ALLC: variants seen among roughly 807,000 people sequenced by gnomAD.
ALLC encodes probable inactive allantoicase.
Under a neutral mutation model 45.0 loss-of-function variants are expected in ALLC, and 40 were observed. The ratio of observed to expected loss-of-function variants is 0.89; its 90% CI spans 0.69 to 1.16. The LOEUF (loss-of-function observed/expected upper bound fraction) is 1.16, where lower values mean the gene tolerates loss of function less well. Ranked by LOEUF, ALLC falls within the 50% of genes most tolerant of loss-of-function variation. The pLI, the probability that ALLC is intolerant of heterozygous loss-of-function variation, is 0.00. For missense variants in ALLC, 488 were observed against 493.1 expected (o/e 0.99, Z 0.10); for synonymous variants, 176 against 178.1 (o/e 0.99, Z 0.09).
chr2:3,651,313 TGGGGGGG>T, the ALLC span, among the ~76,000 whole-genome samples: 298 of 8,486 alleles, frequency 0.035, 2 homozygotes, highest in Middle Eastern at 0.077. Context: ...GGTGGGTGGG[TGGGGGGG>T]GTGTGTGTGT....
At chr2:3,686,608 A>G (rs932448245) in intron 7 of ALLC, among the ~76,000 whole-genome samples, 3 of 150,812 alleles carry the variant, frequency 2.0e-5, no homozygotes, top group African/African-American at 4.8e-5. Flanking sequence ...TGTCCTCTTC[A>G]ATATATTTCA....
At chr2:3,682,680 C>T (rs535270766) in intron 6 of ALLC, among the ~76,000 whole-genome samples, 29 of 152,232 alleles carry the variant, frequency 1.9e-4, no homozygotes, top group East Asian at 1.7e-3. Context: ...CGCCCGCCAC[C>T]ACGCCCGGCT....
chr2:3,659,151 G>A (rs756251514), intron 1 of ALLC, among the ~76,000 whole-genome samples: 5 of 152,166 alleles, frequency 3.3e-5, no homozygotes, highest in Non-Finnish European at 7.3e-5. Context: ...CGATGACAAA[G>A]CCCCTGAAGG....
the ALLC span, among the ~76,000 whole-genome samples, chr2:3,650,391 C>T: frequency 6.6e-6 from 1 of 152,176 alleles, no homozygotes; most frequent in Non-Finnish European, 1.5e-5. Context: ...TGAGTTGACC[C>T]AGGCAGCCTG....
chr2:3,655,454 A>AGTTT (rs151207471), upstream of ALLC, among the ~76,000 whole-genome samples: 1 of 152,234 alleles, frequency 6.6e-6, no homozygotes, highest in Admixed American at 6.5e-5. Context: ...AGGAATGACT[A>AGTTT]GTTTGTTTGT....
chr2:3,670,545 C>T (rs149810086), intron 1 of ALLC, among the ~76,000 whole-genome samples: 15 of 152,276 alleles, frequency 9.9e-5, no homozygotes, highest in South Asian at 2.1e-4. Context: ...CGCATGGCCC[C>T]GAATCTCCCT....
At chr2:3,664,469 G>C (rs1351048276) in intron 1 of ALLC, among the ~76,000 whole-genome samples, 14 of 152,176 alleles carry the variant, frequency 9.2e-5, no homozygotes, top group Admixed American at 8.5e-4. Context: ...TACAACTCCT[G>C]TTCTCTAGAG....
upstream of ALLC, among the ~76,000 whole-genome samples, chr2:3,655,634 T>C (rs1402035096): frequency 6.6e-6 from 1 of 152,290 alleles, no homozygotes; most frequent in African/African-American, 2.4e-5. Context: ...TAAAAAACTT[T>C]TGTTTTTCAG....
chr2:3,660,582 G>A (rs1384981267), intron 1 of ALLC, among the ~76,000 whole-genome samples: 14 of 152,046 alleles, frequency 9.2e-5, no homozygotes, highest in Non-Finnish European at 1.8e-4. Flanking sequence ...GCTATAGAAG[G>A]GTGTGCCCTC....
chr2:3,672,090 G>T, intron 2 of ALLC, among the ~76,000 whole-genome samples: 1 of 110,586 alleles, frequency 9.0e-6, no homozygotes, highest in Admixed American at 7.8e-5. Context: ...TCTGGCTGTG[G>T]TTAGATCGGA....
Position 3,671,083 on chromosome 2 carries a change from C to T in ALLC, c.-62-13C>T, listed in dbSNP as rs1488947389. The T allele has an allele frequency of 1.3e-6, 2 of 1,549,886 alleles. No homozygotes were observed. Among genetic ancestry groups the T allele is most frequent in the East Asian group, 2.3e-5 (1 of 42,770 alleles). On this transcript the variant is annotated splice_polypyrimidine_tract_variant and intron_variant, in intron 1 of 11. Transcript: ENST00000252505. The stretch of plus-strand genomic sequence containing the variant: ...AGCCCCCAAGGTTGACCGAGCTGCC[C>T]TCTCCCTTCCAGGAAGCACGGCTGA...
chr2:3,675,464 C>A (rs1272675893), intron 3 of ALLC, among the ~76,000 whole-genome samples: 2 of 149,696 alleles, frequency 1.3e-5, no homozygotes, highest in Non-Finnish European at 1.5e-5. Flanking sequence ...GAGTGTAAAA[C>A]AGAGTTTGAA....
the ALLC span, among the ~76,000 whole-genome samples, chr2:3,651,922 C>T: frequency 6.6e-6 from 1 of 152,232 alleles, no homozygotes; most frequent in Non-Finnish European, 1.5e-5. Flanking sequence ...CCCTTCGCTT[C>T]CCCTGTGGGC....
chr2:3,651,567 G>A, the ALLC span, among the ~76,000 whole-genome samples: 1 of 151,904 alleles, frequency 6.6e-6, no homozygotes, highest in Non-Finnish European at 1.5e-5. Flanking sequence ...CTCATCCTCA[G>A]TGGCACCCAC....
chr2:3,665,846 G>A (rs1379258801), intron 1 of ALLC, among the ~76,000 whole-genome samples: 1 of 152,194 alleles, frequency 6.6e-6, no homozygotes, highest in Non-Finnish European at 1.5e-5. Context: ...GGATTGCTGG[G>A]TCAAATTGAA....
At chr2:3,694,020 C>T (rs1427448487) in intron 7 of ALLC, among the ~76,000 whole-genome samples, 1 of 152,074 alleles carries the variant, frequency 6.6e-6, no homozygotes, top group Non-Finnish European at 1.5e-5. Flanking sequence ...AAACAAAAAA[C>T]TGCAAAATAG....
At chr2:3,673,459 G>C (rs551339210) in intron 2 of ALLC, among the ~76,000 whole-genome samples, 24 of 152,342 alleles carry the variant, frequency 1.6e-4, no homozygotes, top group African/African-American at 5.8e-4. Flanking sequence ...CCTGCCTTTC[G>C]AACTCCTGGG....
intron 7 of ALLC, among the ~76,000 whole-genome samples, chr2:3,690,932 T>G (rs917866427): frequency 6.6e-6 from 1 of 150,770 alleles, no homozygotes; most frequent in South Asian, 2.1e-4. Context: ...TAAATTCAAA[T>G]GTTTTCTTTT....
chr2:3,653,700 C>T (rs1479499108), upstream of ALLC, among the ~76,000 whole-genome samples: 1 of 152,046 alleles, frequency 6.6e-6, no homozygotes, highest in Non-Finnish European at 1.5e-5. The surrounding 1 kb of genome is among the most constrained non-coding windows in gnomAD (Gnocchi z 4.1). Flanking sequence ...TCCTTGATGA[C>T]CTCAAGCTCA....
Sources: allele counts gnomAD v4.1 joint callset (sites outside exome capture counted in the v4.1 genomes callset), GRCh38; gene constraint gnomAD v4.1.1; non-coding constraint Gnocchi (gnomAD v3.1); transcripts MANE v1.5; gene names NCBI Gene and HGNC (gene_info 2026-07-23, HGNC 2026-07-21).